The following CIMIP1 variants were observed in gnomAD, a reference collection of about 807,000 sequenced individuals.
CIMIP1 encodes ciliary microtubule inner protein 1.
chr20:58,155,233 C>T, the CIMIP1 span, among the ~76,000 whole-genome samples: 1 of 152,252 alleles, frequency 6.6e-6, no homozygotes, highest in Admixed American at 6.5e-5. Flanking sequence ...GCTTTGGGTG[C>T]AGCAGGCCTG....
the CIMIP1 span, among the ~76,000 whole-genome samples, chr20:58,153,799 A>G: frequency 6.6e-6 from 1 of 152,256 alleles, no homozygotes; most frequent in African/African-American, 2.4e-5. Context: ...CACTGACCAC[A>G]TGCCAGGCAT....
chr20:58,154,627 T>C, the CIMIP1 span, among the ~76,000 whole-genome samples: 15 of 152,374 alleles, frequency 9.8e-5, no homozygotes, highest in African/African-American at 3.6e-4. Flanking sequence ...TGAAATTTTA[T>C]GCATAGAATG....
At chr20:58,157,451 G>A in the CIMIP1 span, among the ~76,000 whole-genome samples, 1 of 152,120 alleles carries the variant, frequency 6.6e-6, no homozygotes, top group African/African-American at 2.4e-5. Flanking sequence ...ATACACACTT[G>A]TGCACATACA....
chr20:58,151,704 C>G, the CIMIP1 span, among the ~76,000 whole-genome samples: 2 of 152,024 alleles, frequency 1.3e-5, no homozygotes, highest in East Asian at 1.9e-4. Flanking sequence ...TGAGTCACCG[C>G]GCCTGGCCAA....
At chr20:58,155,909 A>C in the CIMIP1 span, among the ~76,000 whole-genome samples, 12 of 152,228 alleles carry the variant, frequency 7.9e-5, no homozygotes, top group African/African-American at 2.9e-4. Flanking sequence ...GAATCAGACC[A>C]CCAGATCCCT....
At chr20:58,154,742 G>A in the CIMIP1 span, among the ~76,000 whole-genome samples, 3 of 152,252 alleles carry the variant, frequency 2.0e-5, no homozygotes, top group East Asian at 5.8e-4. Flanking sequence ...AATTAAAAAG[G>A]GGAGTGGACG....
At chr20:58,160,293 G>A in the CIMIP1 span, among the ~76,000 whole-genome samples, 1 of 152,122 alleles carries the variant, frequency 6.6e-6, no homozygotes, top group Admixed American at 6.5e-5. Context: ...ACAGGGTGAC[G>A]TGCACCTGCC....
the CIMIP1 span, among the ~76,000 whole-genome samples, chr20:58,154,510 G>T: frequency 5.0e-4 from 76 of 152,348 alleles, no homozygotes; most frequent in Non-Finnish European, 9.6e-4. Context: ...AAGTATCTAT[G>T]ATTCACAGCA....
chr20:58,151,434 G>A, the CIMIP1 span, among the ~76,000 whole-genome samples: 3 of 151,532 alleles, frequency 2.0e-5, no homozygotes, highest in African/African-American at 7.3e-5. Flanking sequence ...TGTTTTTTGA[G>A]ATGGAGTCCT....
chr20:58,155,486 G>T, the CIMIP1 span: 1 of 1,613,996 alleles, frequency 6.2e-7, no homozygotes, highest in Non-Finnish European at 8.5e-7. Flanking sequence ...GTGTGAAGAA[G>T]ATCTCCCCAC....
At chr20:58,151,537 C>T in the CIMIP1 span, among the ~76,000 whole-genome samples, 1 of 151,942 alleles carries the variant, frequency 6.6e-6, no homozygotes, top group African/African-American at 2.4e-5. Context: ...CTCAGCTTCC[C>T]GAGTAGCTGG....
chr20:58,153,225 T>G, the CIMIP1 span, among the ~76,000 whole-genome samples: 1 of 152,148 alleles, frequency 6.6e-6, no homozygotes, highest in African/African-American at 2.4e-5. Flanking sequence ...CTCCTCAAAT[T>G]TTGAGTCATA....
chr20:58,155,298 T>TCC, the CIMIP1 span, among the ~76,000 whole-genome samples: 7 of 152,300 alleles, frequency 4.6e-5, no homozygotes, highest in Non-Finnish European at 5.9e-5. Context: ...AGCCTCTGCC[T>TCC]CCCATTTCCA....
the CIMIP1 span, among the ~76,000 whole-genome samples, chr20:58,156,282 G>A: frequency 6.6e-6 from 1 of 152,174 alleles, no homozygotes; most frequent in African/African-American, 2.4e-5. Flanking sequence ...GGGTGGTCAG[G>A]GAAGGGGCCC....
At chr20:58,151,385 A>G in the CIMIP1 span, among the ~76,000 whole-genome samples, 2 of 151,236 alleles carry the variant, frequency 1.3e-5, no homozygotes, top group Admixed American at 6.6e-5. Flanking sequence ...GAACGTGTTC[A>G]TGTTTTTAAG....
At chr20:58,158,860 C>A in the CIMIP1 span, among the ~76,000 whole-genome samples, 36 of 152,210 alleles carry the variant, frequency 2.4e-4, no homozygotes, top group Non-Finnish European at 1.0e-4. Context: ...ACAAGGACAT[C>A]CATGGGCCTC....
the CIMIP1 span, chr20:58,151,088 C>T: frequency 1.4e-6 from 2 of 1,478,976 alleles, no homozygotes; most frequent in Non-Finnish European, 1.9e-6. Flanking sequence ...GAAGTGTCCA[C>T]ATCTGGGGTC....
At chr20:58,155,632 C>T in the CIMIP1 span, 4 of 1,381,036 alleles carry the variant, frequency 2.9e-6, no homozygotes, top group Non-Finnish European at 4.1e-6. Flanking sequence ...AAGAAATAAG[C>T]CCCAGTGGAA....
At chr20:58,156,236 A>AC in the CIMIP1 span, among the ~76,000 whole-genome samples, 3 of 152,212 alleles carry the variant, frequency 2.0e-5, no homozygotes, top group Non-Finnish European at 2.9e-5. Context: ...CATGGAGGAA[A>AC]CAGGCCGGTG....
Sources: allele counts gnomAD v4.1 joint callset (sites outside exome capture counted in the v4.1 genomes callset), GRCh38; gene constraint gnomAD v4.1.1; transcripts MANE v1.5; gene names NCBI Gene and HGNC (gene_info 2026-07-23, HGNC 2026-07-21).